Variants in C9 observed in about 807,000 individuals in gnomAD.
The protein encoded by C9 is complement C9.
In C9, 63 loss-of-function variants were observed where a neutral mutation model predicts 65.4. The observed-to-expected ratio is 0.96, with a 90% confidence interval of 0.79 to 1.19. The LOEUF is 1.19. Among genes scored for constraint, C9 ranks in the 50% most tolerant of loss-of-function variants. The pLI, the probability that C9 is intolerant of heterozygous loss-of-function variation, is 0.00. For synonymous variants in C9, 229 were observed against 227.9 expected, an observed-to-expected ratio of 1.00 and a Z score of -0.04; for missense variants, 744 against 670.1, an observed-to-expected ratio of 1.11 and a Z score of -1.22.
intron 1 of C9, among the ~76,000 whole-genome samples, chr5:39,351,927 A>T (rs1204814783): frequency 1.3e-5 from 2 of 152,158 alleles, no homozygotes; most frequent in African/African-American, 4.8e-5. Flanking sequence ...TCTTGTTACC[A>T]ATTTTCTGTA....
At chr5:39,331,283 T>C (rs1254725813) in intron 5 of C9, among the ~76,000 whole-genome samples, 3 of 152,156 alleles carry the variant, frequency 2.0e-5, no homozygotes, top group African/African-American at 7.2e-5. Context: ...AGGCTCTTCA[T>C]AGGCGGATGC....
At chr5:39,317,685 G>T (rs1192400032) in intron 5 of C9, among the ~76,000 whole-genome samples, 1 of 151,986 alleles carries the variant, frequency 6.6e-6, no homozygotes, top group African/African-American at 2.4e-5. Context: ...GTTCTCTATT[G>T]TGTTCCATTG....
intron 9 of C9, among the ~76,000 whole-genome samples, chr5:39,304,039 A>G (rs1753332773): frequency 6.6e-6 from 1 of 152,138 alleles, no homozygotes; most frequent in Non-Finnish European, 1.5e-5. Context: ...TCAAAATTTA[A>G]TATTAGAAGT....
chr5:39,319,415 T>A (rs1753628155), intron 5 of C9, among the ~76,000 whole-genome samples: 2 of 152,016 alleles, frequency 1.3e-5, no homozygotes, highest in Admixed American at 6.5e-5. Flanking sequence ...GTTTCCAGCC[T>A]CAACTCAGGC....
intron 3 of C9, 82 bp from the exon 4 acceptor site, chr5:39,341,375 C>T (rs772717664): frequency 1.2e-4 from 188 of 1,534,144 alleles, no homozygotes; most frequent in Non-Finnish European, 1.6e-4. Context: ...TGCATTTTAA[C>T]CCTGGAGGTG....
Position 39,347,901 on chromosome 5 carries a change from G to C in C9, c.78-5705C>G, listed in dbSNP as rs185450258. ...ACTATCTGATCTTTGACAAACCTGA[G>C]AAAAACAAGAAATGGGGAAAGGATT... is the stretch of plus-strand genomic sequence containing the variant. On this transcript the variant is annotated intron_variant, in intron 1 of 10. Transcript: ENST00000263408. Among the ~76,000 whole-genome samples the C allele has an allele frequency of 4.8e-3, 731 of 150,768 alleles. 8 individuals are homozygous for C. Among genetic ancestry groups the C allele is most frequent in the African/African-American group, 0.016 (661 of 40,924 alleles).
chr5:39,336,982 GT>G (rs148205952), intron 4 of C9, among the ~76,000 whole-genome samples: 119 of 148,842 alleles, frequency 8.0e-4, no homozygotes, highest in East Asian at 5.9e-4. Flanking sequence ...GTTGTGTCTT[GT>G]TTTTTTTTTC....
At chr5:39,308,632 T>G (rs568050143) in intron 7 of C9, among the ~76,000 whole-genome samples, 1 of 152,326 alleles carries the variant, frequency 6.6e-6, no homozygotes, top group East Asian at 1.9e-4. Flanking sequence ...TATAGTAAAG[T>G]CTTTTATCTG....
intron 2 of C9, 49 bp from the exon 3 acceptor site, chr5:39,341,749 G>T (rs1408615502): frequency 1.3e-6 from 2 of 1,577,278 alleles, no homozygotes; most frequent in Non-Finnish European, 1.7e-6. Flanking sequence ...CCAAAAAAAG[G>T]GTATGGTCTA....
At chr5:39,334,333 G>A (rs184956948) in intron 4 of C9, among the ~76,000 whole-genome samples, 1,745 of 149,074 alleles carry the variant, frequency 0.012, 43 homozygotes, top group Non-Finnish European at 0.011. Context: ...GAGCGTCTCT[G>A]CCCGGCCGCC....
At chr5:39,306,406 A>C (rs59389219) in intron 9 of C9, among the ~76,000 whole-genome samples, 1 of 152,164 alleles carries the variant, frequency 6.6e-6, no homozygotes, top group Non-Finnish European at 1.5e-5. Flanking sequence ...CATCCCACAC[A>C]TAGTGAGAGA....
At chr5:39,334,592 A>C (rs557463195) in intron 4 of C9, among the ~76,000 whole-genome samples, 1 of 143,976 alleles carries the variant, frequency 6.9e-6, no homozygotes, top group African/African-American at 2.7e-5. Flanking sequence ...CCGCCCGGCC[A>C]GCTGCCCCGT....
chr5:39,310,243 C>T (rs1243140068), intron 7 of C9, among the ~76,000 whole-genome samples: 2 of 152,036 alleles, frequency 1.3e-5, no homozygotes, highest in Non-Finnish European at 2.9e-5. Context: ...CACCTGATAC[C>T]TTGACACTGA....
At chr5:39,364,278 G>T in intron 1 of C9, 110 bp downstream of exon 1, 1 of 725,734 alleles carries the variant, frequency 1.4e-6, no homozygotes. Flanking sequence ...CTAGGGCTCT[G>T]TATATTGCCA....
intron 9 of C9, among the ~76,000 whole-genome samples, chr5:39,297,417 T>C: frequency 6.6e-6 from 1 of 151,692 alleles, no homozygotes; most frequent in East Asian, 1.9e-4. Context: ...TGCAAATGGA[T>C]TTAATACACT....
intron 5 of C9, among the ~76,000 whole-genome samples, chr5:39,316,692 G>T (rs968448503): frequency 6.6e-6 from 1 of 152,066 alleles, no homozygotes; most frequent in Non-Finnish European, 1.5e-5. Context: ...CCTTTTTATG[G>T]CTGCATAGTA....
intron 1 of C9, among the ~76,000 whole-genome samples, chr5:39,359,104 A>G (rs866678538): frequency 8.7e-4 from 78 of 89,968 alleles, no homozygotes; most frequent in South Asian, 2.1e-3. Flanking sequence ...GTGTGTGTGT[A>G]TATATATATA....
chr5:39,349,672 G>A (rs567473046), intron 1 of C9, among the ~76,000 whole-genome samples: 34 of 152,250 alleles, frequency 2.2e-4, no homozygotes, highest in East Asian at 7.7e-4. Flanking sequence ...GCCCAACTCC[G>A]TGATGACTGC....
intron 5 of C9, among the ~76,000 whole-genome samples, chr5:39,316,336 T>C (rs1271506782): frequency 1.3e-5 from 2 of 151,730 alleles, no homozygotes; most frequent in South Asian, 2.1e-4. Flanking sequence ...ACTTATAGTA[T>C]AGCAAACTTT....
Sources: gnomAD v4.1 joint callset for allele counts (sites outside exome capture counted in the v4.1 genomes callset) on GRCh38, gnomAD v4.1.1 for gene constraint, MANE v1.5 for transcripts, NCBI Gene and HGNC (gene_info 2026-07-23, HGNC 2026-07-21) for gene names.